BLOC1S5: variants seen among roughly 807,000 people sequenced by gnomAD.
BLOC1S5 encodes biogenesis of lysosome-related organelles complex 1 subunit 5.
BLOC1S5 carries 27 observed loss-of-function variants against 24.3 expected under a neutral mutation model. The observed-to-expected ratio is 1.11, with a 90% confidence interval of 0.82 to 1.53. The LOEUF is 1.53. Ranked by LOEUF, BLOC1S5 falls within the 40% of genes most tolerant of loss-of-function variation. The pLI is 0.00. For synonymous variants in BLOC1S5, 84 were observed against 74.5 expected (o/e 1.13, Z -0.66); for missense variants, 239 against 229.4 (o/e 1.04, Z -0.27).
rs566480192 is a variant in BLOC1S5 at position 8,055,980 on chromosome 6, T to G, written c.195+6554A>C. 2.6e-5 allele frequency among the ~76,000 whole-genome samples: 4 copies of G among 152,338 alleles called. No homozygotes were observed. In the East Asian group the frequency reaches 7.7e-4, roughly 29 times the overall value. ...TTAGTTCATGAGGGCTGTGCCCTCA[T>G]GAATGGATTAAGGCCATCATCAAAA... On this transcript the variant is annotated intron_variant, in intron 2 of 4. Coordinates refer to ENST00000397457, the MANE Select transcript of BLOC1S5 (RefSeq NM_201280.3).
intron 1 of BLOC1S5, among the ~76,000 whole-genome samples, chr6:8,063,820 C>T (rs1442375356): frequency 6.6e-6 from 1 of 152,136 alleles, no homozygotes; most frequent in Admixed American, 6.5e-5. Context: ...AGAGCGCCTT[C>T]GTAAGTGTAT....
At chr6:8,025,301 G>T (rs1319288824) in intron 4 of BLOC1S5, among the ~76,000 whole-genome samples, 1 of 152,166 alleles carries the variant, frequency 6.6e-6, no homozygotes, top group Non-Finnish European at 1.5e-5. Context: ...TATATCTGCT[G>T]TCCAGCCTGG....
intron 3 of BLOC1S5, 140 bp from the exon 4 acceptor site, chr6:8,026,565 G>T (rs1763113552): frequency 1.2e-5 from 8 of 667,326 alleles, no homozygotes; most frequent in Non-Finnish European, 1.5e-5. Context: ...TTATTTTGGT[G>T]GTGGTGGGAT....
intron 2 of BLOC1S5, among the ~76,000 whole-genome samples, chr6:8,048,575 G>A (rs1283685244): frequency 2.6e-5 from 4 of 151,622 alleles, no homozygotes; most frequent in East Asian, 3.9e-4. Flanking sequence ...TTGTTTTATC[G>A]CTGATTCAGT....
chr6:8,046,152 C>T (rs1045674911), intron 2 of BLOC1S5, among the ~76,000 whole-genome samples: 3 of 152,168 alleles, frequency 2.0e-5, no homozygotes, highest in Admixed American at 6.5e-5. Context: ...ATTCTCATGA[C>T]AGTGAATAAG....
intron 2 of BLOC1S5, among the ~76,000 whole-genome samples, chr6:8,051,290 C>G (rs1235222610): frequency 6.6e-6 from 1 of 152,038 alleles, no homozygotes; most frequent in African/African-American, 2.4e-5. Context: ...GAAGATGAAA[C>G]CAGCCACAAC....
At chr6:8,042,805 T>A (rs768064019) in intron 2 of BLOC1S5, among the ~76,000 whole-genome samples, 1 of 152,210 alleles carries the variant, frequency 6.6e-6, no homozygotes, top group Non-Finnish European at 1.5e-5. Flanking sequence ...TCTGGAAGTC[T>A]GAAAATGCTG....
chr6:8,028,386 G>A (rs75086117), intron 3 of BLOC1S5, among the ~76,000 whole-genome samples: 5,823 of 150,426 alleles, frequency 0.039, 353 homozygotes, highest in African/African-American at 0.13. Context: ...AACAGGAGTT[G>A]ATTAGCTCTG....
intron 4 of BLOC1S5, among the ~76,000 whole-genome samples, chr6:8,018,932 A>G (rs1348009261): frequency 2.6e-5 from 4 of 152,258 alleles, no homozygotes; most frequent in Non-Finnish European, 5.9e-5. Flanking sequence ...CCTAGATTCA[A>G]TTTAATCCTG....
chr6:8,046,661 T>G (rs970103101), intron 2 of BLOC1S5, among the ~76,000 whole-genome samples: 1 of 152,310 alleles, frequency 6.6e-6, no homozygotes, highest in East Asian at 1.9e-4. Flanking sequence ...ACTGATTTTT[T>G]TCCCCTCCAC....
chr6:8,059,004 T>C (rs1474382958), intron 2 of BLOC1S5, among the ~76,000 whole-genome samples: 3 of 152,236 alleles, frequency 2.0e-5, no homozygotes, highest in African/African-American at 7.2e-5. Context: ...CTATATACTC[T>C]ATAAGCATGT....
chr6:8,039,455 A>T (rs1456188445), intron 3 of BLOC1S5, among the ~76,000 whole-genome samples: 1 of 152,192 alleles, frequency 6.6e-6, no homozygotes, highest in African/African-American at 2.4e-5. Context: ...GAATGTTTTT[A>T]ACAAAAAGAA....
intron 3 of BLOC1S5, among the ~76,000 whole-genome samples, chr6:8,039,630 T>TA (rs56391022): frequency 1.5e-4 from 22 of 149,582 alleles, no homozygotes; most frequent in South Asian, 2.1e-4. Context: ...GTATTAGCTT[T>TA]AAAAAAAAAA....
intron 4 of BLOC1S5, among the ~76,000 whole-genome samples, chr6:8,022,366 G>A (rs1189515088): frequency 1.3e-5 from 2 of 151,400 alleles, no homozygotes; most frequent in South Asian, 2.1e-4. Context: ...TGGTCTACGG[G>A]AAAACTCTGA....
At chr6:8,025,210 C>A (rs1421103185) in intron 4 of BLOC1S5, among the ~76,000 whole-genome samples, 1 of 152,238 alleles carries the variant, frequency 6.6e-6, no homozygotes, top group East Asian at 1.9e-4. Context: ...AGACTTTTAG[C>A]TCCTTAAGTG....
At chr6:8,036,856 C>A (rs1171150792) in intron 3 of BLOC1S5, among the ~76,000 whole-genome samples, 1 of 152,138 alleles carries the variant, frequency 6.6e-6, no homozygotes, top group African/African-American at 2.4e-5. Context: ...CCAGGAATGG[C>A]AGGATGGTTC....
In BLOC1S5 at chr6:8,019,999, C is replaced by T. The variant is rs918994072; in HGVS notation, c.385-4171G>A. ...ACACAGTATCTGAGGGCAGTTGGTACAGAAACATAGCACAGTGTCTCTCTT... is the reference window on the plus strand; with the variant it reads ...ACACAGTATCTGAGGGCAGTTGGTATAGAAACATAGCACAGTGTCTCTCTT... On this transcript the variant is annotated intron_variant, in intron 4 of 4. Coordinates refer to ENST00000397457, the MANE Select transcript of BLOC1S5 (RefSeq NM_201280.3). Among the ~76,000 whole-genome samples the T allele has an allele frequency of 2.0e-5, 3 of 152,200 alleles. No homozygotes were observed. In the South Asian group the frequency reaches 6.2e-4, roughly 32 times the overall value.
intron 3 of BLOC1S5, among the ~76,000 whole-genome samples, chr6:8,030,276 C>CT (rs1336473635): frequency 6.6e-6 from 1 of 152,036 alleles, no homozygotes; most frequent in East Asian, 2.0e-4. Context: ...TCTCCTGCCT[C>CT]AGCCTCCTGA....
intron 3 of BLOC1S5, among the ~76,000 whole-genome samples, chr6:8,027,797 T>C (rs1375278661): frequency 7.1e-6 from 1 of 141,458 alleles, no homozygotes; most frequent in South Asian, 2.3e-4. Context: ...CACTCCAGCC[T>C]GGGCAACAGA....
Sources: gnomAD v4.1 joint callset for allele counts (sites outside exome capture counted in the v4.1 genomes callset) on GRCh38, gnomAD v4.1.1 for gene constraint, MANE v1.5 for transcripts, NCBI Gene and HGNC (gene_info 2026-07-23, HGNC 2026-07-21) for gene names.